Variants in PPP2R3B observed in about 807,000 individuals in gnomAD.
The protein encoded by PPP2R3B is protein phosphatase 2 regulatory subunit B''beta, also known as serine/threonine-protein phosphatase 2A regulatory subunit B'' subunit beta.
In PPP2R3B, 68 loss-of-function variants were observed where a neutral mutation model predicts 72.9. The ratio of observed to expected loss-of-function variants is 0.93; its 90% CI spans 0.77 to 1.14. The LOEUF (loss-of-function observed/expected upper bound fraction) is 1.14, where lower values mean the gene tolerates loss of function less well. Ranked by LOEUF, PPP2R3B falls within the 50% of genes most tolerant of loss-of-function variation. The probability of loss-of-function intolerance (pLI) is 0.00; values close to 1 mark genes in which losing one functional copy is unlikely to be tolerated. For missense variants in PPP2R3B, 1,018 were observed against 842.0 expected, an observed-to-expected ratio of 1.21 and a Z score of -2.59; for synonymous variants, 466 against 375.8, an observed-to-expected ratio of 1.24 and a Z score of -2.78.
intron 2 of PPP2R3B, among the ~76,000 whole-genome samples, chrX:355,528 G>A (rs779059878): frequency 6.6e-6 from 1 of 152,280 alleles, no homozygotes; most frequent in South Asian, 2.1e-4. Context: ...GCAGCCACTC[G>A]GGAAGACAGC....
At chrX:347,101 G>A (rs1180863487) in intron 4 of PPP2R3B, 133 bp downstream of exon 4, 1 of 1,098,496 alleles carries the variant, frequency 9.1e-7, no homozygotes, top group Non-Finnish European at 1.4e-6. Flanking sequence ...CATGAGGTGT[G>A]CGGTGTAGAC....
Position 334,053 on chromosome X carries a change from GT to G in PPP2R3B, c.*313del, listed in dbSNP as rs2070815870. On this transcript the variant is annotated 3_prime_UTR_variant, in exon 13 of 13. Transcript: ENST00000390665. Reference sequence around the variant, plus strand: ...AGGCGCCCGGGAGCCGCCGGTCACCGTTGTGCGCACACGGACCCTTTCCACA... The same window carrying G: ...AGGCGCCCGGGAGCCGCCGGTCACCGTGTGCGCACACGGACCCTTTCCACA... 3.5e-6 allele frequency: 1 copy of G among 287,528 alleles called. No homozygotes were observed. The allele number at this position is 287,528 out of a possible 1,614,324, so 17.8% of individuals were successfully genotyped here. A position where few individuals can be genotyped will look rare whatever the true frequency, so the allele number is the denominator to read the frequency against.
chrX:386,227 G>T, intron 1 of PPP2R3B, 141 bp downstream of exon 1: 1 of 498,346 alleles, frequency 2.0e-6, no homozygotes, highest in Non-Finnish European at 3.1e-6. Context: ...TGTGGTGGGG[G>T]GGGTCGGGGC....
chrX:358,777 G>C (rs1223318172), intron 2 of PPP2R3B, among the ~76,000 whole-genome samples: 5 of 151,712 alleles, frequency 3.3e-5, no homozygotes, highest in Non-Finnish European at 1.5e-5. Flanking sequence ...GCCGAGGCGG[G>C]GAAGCACCGC....
At chrX:349,550 C>T (rs1408469111) in intron 2 of PPP2R3B, among the ~76,000 whole-genome samples, 7 of 152,314 alleles carry the variant, frequency 4.6e-5, no homozygotes, top group East Asian at 1.9e-4. Context: ...CCGAAAGATA[C>T]GACGACGGGT....
At chrX:340,363 T>C (rs1381212746) in intron 10 of PPP2R3B, among the ~76,000 whole-genome samples, 1 of 151,598 alleles carries the variant, frequency 6.6e-6, no homozygotes, top group African/African-American at 2.4e-5. Flanking sequence ...GTTCTTGCAC[T>C]GTGAGACTAG....
intron 2 of PPP2R3B, among the ~76,000 whole-genome samples, chrX:352,824 C>T (rs1319643478): frequency 6.6e-6 from 1 of 151,346 alleles, no homozygotes; most frequent in Non-Finnish European, 1.5e-5. Flanking sequence ...GACAAGAGGA[C>T]GATCTGCAGA....
In PPP2R3B at chrX:375,123, C is replaced by T. The variant is rs1314483381; in HGVS notation, c.324+11245G>A. On this transcript the variant is annotated intron_variant, in intron 1 of 12. Coordinates refer to ENST00000390665, the MANE Select transcript of PPP2R3B (RefSeq NM_013239.5). ...CGCCCCTCTCCACTTCCTTCTCTTC[C>T]ACCTCCTTCCCTTCTCCAGCCATCC... Among the ~76,000 whole-genome samples, 3 of 152,124 alleles carry T rather than the reference C, an allele frequency of 2.0e-5. No individual in the cohort carries two copies. The East Asian group carries it at 5.8e-4, about 29-fold the overall frequency.
At chrX:350,970 G>A (rs1179602692) in intron 2 of PPP2R3B, among the ~76,000 whole-genome samples, 7 of 152,192 alleles carry the variant, frequency 4.6e-5, no homozygotes, top group African/African-American at 1.7e-4. Context: ...GGAATAAACT[G>A]TGGCAGAGTC....
Position 363,198 on chromosome X carries a change from C to T in PPP2R3B, c.325-1608G>A, listed in dbSNP as rs186912172. On this transcript the variant is annotated intron_variant, in intron 1 of 12. Coordinates refer to ENST00000390665, the MANE Select transcript of PPP2R3B (RefSeq NM_013239.5). Reference sequence around the variant, plus strand: ...AGAACGTGACCTCTGTGTCCTGGGGCAGGAGGTCCCTGCATCTCCCCGAGC... The same window carrying T: ...AGAACGTGACCTCTGTGTCCTGGGGTAGGAGGTCCCTGCATCTCCCCGAGC... 4.6e-5 allele frequency among the ~76,000 whole-genome samples: 7 copies of T among 152,026 alleles called. No individual in the cohort carries two copies. In the East Asian group the frequency reaches 1.4e-3, roughly 29 times the overall value.
intron 7 of PPP2R3B, 89 bp from the exon 8 acceptor site, chrX:342,020 G>A (rs2071090953): frequency 6.6e-7 from 1 of 1,522,880 alleles, no homozygotes; most frequent in African/African-American, 1.4e-5. Context: ...ATGCGGTGGG[G>A]ACCGAAAAGC....
chrX:359,229 C>A (rs2071496297), intron 2 of PPP2R3B, among the ~76,000 whole-genome samples: 1 of 152,228 alleles, frequency 6.6e-6, no homozygotes, highest in Non-Finnish European at 1.5e-5. Flanking sequence ...GGTGTCCCAG[C>A]AGACGGAATG....
intron 1 of PPP2R3B, among the ~76,000 whole-genome samples, chrX:381,084 T>A (rs2072114433): frequency 6.6e-6 from 1 of 151,938 alleles, no homozygotes; most frequent in South Asian, 2.1e-4. Context: ...TGAACCACCA[T>A]GCCTGGCTGA....
At position 361,692 on chromosome X, in the gene PPP2R3B, GCCACCTGATC is replaced by G; in HGVS notation, c.325-112_325-103del. On this transcript the variant is annotated intron_variant, in intron 1 of 12. Transcript: ENST00000390665. ...CCTCTCTAGGGCCGACAGTGCTGAG[GCCACCTGATC>G]CCAGCCGGGAGAGGACACACTGCAA... is the stretch of plus-strand genomic sequence containing the variant. 1.5e-6 allele frequency: 2 copies of G among 1,378,696 alleles called. 1 individual carries two copies. Among genetic ancestry groups the G allele is most frequent in the South Asian group, 2.6e-5 (2 of 77,618 alleles). 85.4% of individuals were successfully genotyped at this position (1,378,696 alleles called of 1,614,324 possible).
intron 2 of PPP2R3B, among the ~76,000 whole-genome samples, chrX:358,941 G>T (rs1428221642): frequency 6.7e-6 from 1 of 149,502 alleles, no homozygotes; most frequent in Non-Finnish European, 1.5e-5. Context: ...CACCGCGGCG[G>T]GGGTAGGGGA....
chrX:355,047 G>A (rs1162887962), intron 2 of PPP2R3B, among the ~76,000 whole-genome samples: 1 of 152,194 alleles, frequency 6.6e-6, no homozygotes, highest in African/African-American at 2.4e-5. Flanking sequence ...AGGAGACACC[G>A]ATGCAGACGA....
At chrX:334,836 A>G (rs2070846278) in intron 12 of PPP2R3B, 2 of 316,100 alleles carry the variant, frequency 6.3e-6, no homozygotes, top group South Asian at 2.2e-4. Flanking sequence ...TGTGTTTACA[A>G]CTGGGTCGTG....
At chrX:345,876 C>T (rs867909669) in intron 6 of PPP2R3B, among the ~76,000 whole-genome samples, 1 of 788 alleles carries the variant, frequency 1.3e-3, no homozygotes. Context: ...GCTCCCTAGG[C>T]GGGTGTGGGG....
intron 12 of PPP2R3B, chrX:335,174 T>G: frequency 6.6e-6 from 1 of 152,226 alleles, no homozygotes; most frequent in Non-Finnish European, 1.5e-5. Flanking sequence ...GTGGACACGG[T>G]GAAGGCAGTC....
Sources: allele counts gnomAD v4.1 joint callset (sites outside exome capture counted in the v4.1 genomes callset), GRCh38; gene constraint gnomAD v4.1.1; transcripts MANE v1.5; gene names NCBI Gene and HGNC (gene_info 2026-07-23, HGNC 2026-07-21).